LUC7L2: variants seen among roughly 807,000 people sequenced by gnomAD.
LUC7L2 encodes the protein putative RNA-binding protein Luc7-like 2.
In LUC7L2, 25 loss-of-function variants were observed where a neutral mutation model predicts 52.8. The ratio of observed to expected loss-of-function variants is 0.47; its 90% CI spans 0.34 to 0.66. The LOEUF (loss-of-function observed/expected upper bound fraction) is 0.66, where lower values mean the gene tolerates loss of function less well. Among genes scored for constraint, LUC7L2 ranks in the 30% least tolerant of loss-of-function variants. LUC7L2 has a pLI of 0.01. For synonymous variants in LUC7L2, 144 were observed against 160.9 expected (o/e 0.89, Z 0.80); for missense variants, 328 against 497.8 (o/e 0.66, Z 3.25).
chr7:139,346,563 C>G (rs996453153), intron 1 of LUC7L2, among the ~76,000 whole-genome samples: 1 of 152,154 alleles, frequency 6.6e-6, no homozygotes, highest in African/African-American at 2.4e-5. Flanking sequence ...GATGGTGAAG[C>G]TCTTAGGGGT....
Position 139,422,567 on chromosome 7 carries a change from T to C in LUC7L2, c.*227T>C. 1 of 876,500 alleles carries C rather than the reference T, an allele frequency of 1.1e-6. No individual in the cohort carries two copies. The highest frequency in any genetic ancestry group is 3.2e-5 in the East Asian group (1 of 30,916). The allele number at this position is 876,500 out of a possible 1,614,324, so 54.3% of individuals were successfully genotyped here. A position where few individuals can be genotyped will look rare whatever the true frequency, so the allele number is the denominator to read the frequency against. On this transcript the variant is annotated 3_prime_UTR_variant, in exon 10 of 10. Transcript: ENST00000354926. Reference sequence around the variant, plus strand: ...GTAATACAGTTCTGAAAGTACAGTTTTATATAATAAGATGCTGATCTCTTT... The same window carrying C: ...GTAATACAGTTCTGAAAGTACAGTTCTATATAATAAGATGCTGATCTCTTT...
At chr7:139,408,253 A>G (rs1795205195) in intron 6 of LUC7L2, among the ~76,000 whole-genome samples, 1 of 152,178 alleles carries the variant, frequency 6.6e-6, no homozygotes, top group Admixed American at 6.5e-5. Flanking sequence ...AAAAATTTCG[A>G]AAAGAGTCAC....
intron 2 of LUC7L2, among the ~76,000 whole-genome samples, chr7:139,398,319 T>C (rs147154141): frequency 3.3e-4 from 50 of 152,352 alleles, no homozygotes; most frequent in African/African-American, 1.1e-3. Context: ...TGTTGTGATA[T>C]AGAAGCTAGC....
chr7:139,371,262 C>G, intron 1 of LUC7L2: 1 of 615,328 alleles, frequency 1.6e-6, no homozygotes. Context: ...TTGTAAATTG[C>G]TTGCCATGAA....
chr7:139,409,711 T>TA, intron 7 of LUC7L2, 57 bp downstream of exon 7: 1 of 1,481,108 alleles, frequency 6.8e-7, no homozygotes, highest in East Asian at 2.5e-5. Flanking sequence ...TAAAAAGAGA[T>TA]ATAATTGATT....
chr7:139,414,739 C>A (rs1795513183), intron 8 of LUC7L2, among the ~76,000 whole-genome samples: 1 of 152,200 alleles, frequency 6.6e-6, no homozygotes, highest in South Asian at 2.1e-4. Context: ...TTCCCTCAGC[C>A]TGAAGCACTC....
rs566434091 is a variant in LUC7L2, at chr7:139,387,434, C to T, written c.157-11165C>T. ...GGTCTTGAACTCCTGCTCACCTTGGCCTTCCAAAGTGCTGGGATTACAGGT... is the reference window on the plus strand; with the variant it reads ...GGTCTTGAACTCCTGCTCACCTTGGTCTTCCAAAGTGCTGGGATTACAGGT... On this transcript the variant is annotated intron_variant, in intron 2 of 9. Transcript: ENST00000354926. Among the ~76,000 whole-genome samples, 3 of 152,266 alleles carry T rather than the reference C, an allele frequency of 2.0e-5. No individual in the cohort carries two copies. In the East Asian group the frequency reaches 5.8e-4, roughly 29 times the overall value.
intron 2 of LUC7L2, among the ~76,000 whole-genome samples, chr7:139,393,897 GAT>G (rs2131264755): frequency 6.6e-6 from 1 of 152,280 alleles, no homozygotes; most frequent in East Asian, 1.9e-4. Context: ...TCCCTGAAGA[GAT>G]AACCACTGAG....
intron 1 of LUC7L2, among the ~76,000 whole-genome samples, chr7:139,352,498 A>G (rs1799488017): frequency 6.6e-6 from 1 of 152,206 alleles, no homozygotes; most frequent in Admixed American, 6.5e-5. Flanking sequence ...CCCATCTCAA[A>G]GATATAAATT....
intron 1 of LUC7L2, among the ~76,000 whole-genome samples, chr7:139,340,831 CTTT>C (rs112287672): frequency 6.9e-6 from 1 of 145,208 alleles, no homozygotes; most frequent in African/African-American, 2.5e-5. Flanking sequence ...GCCAACTTTA[CTTT>C]TTTTTTTTTT....
At chr7:139,368,736 T>C (rs1161011310) in intron 1 of LUC7L2, among the ~76,000 whole-genome samples, 1 of 69,966 alleles carries the variant, frequency 1.4e-5, no homozygotes, top group African/African-American at 2.4e-4. Context: ...AGACACCGTC[T>C]CAAAAAAAAA....
intron 8 of LUC7L2, among the ~76,000 whole-genome samples, chr7:139,415,055 T>G (rs13246191): frequency 4.5e-5 from 2 of 44,138 alleles, no homozygotes; most frequent in African/African-American, 1.8e-4. Context: ...CCCTGCTAAG[T>G]TTTTTTTTTT....
At chr7:139,357,011 G>A (rs1039887023), upstream of LUC7L2, among the ~76,000 whole-genome samples, 1 of 152,170 alleles carries the variant, frequency 6.6e-6, no homozygotes, top group South Asian at 2.1e-4. Flanking sequence ...TGGGATGAGA[G>A]TAAATGGAGT....
intron 6 of LUC7L2, among the ~76,000 whole-genome samples, chr7:139,407,621 C>G (rs1010722920): frequency 1.3e-5 from 2 of 151,860 alleles, no homozygotes; most frequent in African/African-American, 4.8e-5. Flanking sequence ...CTAAAAGAGT[C>G]CCATAAAACT....
In LUC7L2 at chr7:139,359,946, T is replaced by G; in HGVS notation, c.-316T>G. On this transcript the variant is annotated 5_prime_UTR_variant, in exon 1 of 10. Coordinates refer to ENST00000354926, the MANE Select transcript of LUC7L2 (RefSeq NM_016019.5). Reference sequence around the variant, plus strand: ...AGCGGCGTCAGAGCTTGAGGGGGGGTTGACGGCTTCTGGCGGGTGGCGGTG... The same window carrying G: ...AGCGGCGTCAGAGCTTGAGGGGGGGGTGACGGCTTCTGGCGGGTGGCGGTG... The G allele has an allele frequency of 2.4e-6, 1 of 411,046 alleles. No homozygotes were observed. Among genetic ancestry groups the G allele is most frequent in the South Asian group, 7.9e-5 (1 of 12,728 alleles). The allele number at this position is 411,046 out of a possible 1,614,324, so 25.5% of individuals were successfully genotyped here. A position where few individuals can be genotyped will look rare whatever the true frequency, so the allele number is the denominator to read the frequency against.
intron 1 of LUC7L2, among the ~76,000 whole-genome samples, chr7:139,361,692 C>T (rs1371881476): frequency 6.6e-6 from 1 of 152,200 alleles, no homozygotes; most frequent in Admixed American, 6.5e-5. Flanking sequence ...AAACTTTTAA[C>T]TGTTATCATT....
chr7:139,404,793 G>A (rs145891573), intron 4 of LUC7L2, among the ~76,000 whole-genome samples: 3 of 152,162 alleles, frequency 2.0e-5, no homozygotes, highest in Non-Finnish European at 4.4e-5. Context: ...GGGTACATAC[G>A]AGGCTTATTT....
At position 139,412,599 on chromosome 7, in the gene LUC7L2, A is replaced by AC; in HGVS notation, c.809+20dup. 1 of 1,601,586 alleles carries AC rather than the reference A, an allele frequency of 6.2e-7. No individual in the cohort carries two copies. The highest frequency in any genetic ancestry group is 8.5e-7 in the Non-Finnish European group (1 of 1,175,912). ...CAAAAAGGTAGGTGTATTACATAAG[A>AC]CAGGTATAAGTAGTGAAGTTGTCTT... On this transcript the variant is annotated intron_variant, in intron 8 of 9. Transcript: ENST00000354926.
At chr7:139,356,263 C>T (rs911064430), upstream of LUC7L2, among the ~76,000 whole-genome samples, 1 of 138,248 alleles carries the variant, frequency 7.2e-6, no homozygotes, top group Non-Finnish European at 1.5e-5. Flanking sequence ...TGAGCCAAGG[C>T]GAGATCTCGC....
Sources: gnomAD v4.1 joint callset for allele counts (sites outside exome capture counted in the v4.1 genomes callset) on GRCh38, gnomAD v4.1.1 for gene constraint, MANE v1.5 for transcripts, NCBI Gene and HGNC (gene_info 2026-07-23, HGNC 2026-07-21) for gene names.